TENM1: variants seen among roughly 807,000 people sequenced by gnomAD.
TENM1 encodes the protein teneurin transmembrane protein 1, also known as teneurin-1.
Under a neutral mutation model 174.8 loss-of-function variants are expected in TENM1, and 35 were observed. The observed-to-expected ratio is 0.20, with a 90% CI of 0.15 to 0.27. The LOEUF is 0.27. Among genes scored for constraint, TENM1 ranks in the 10% least tolerant of loss-of-function variants. The probability of loss-of-function intolerance (pLI) is 1.00; values close to 1 mark genes in which losing one functional copy is unlikely to be tolerated. For synonymous variants in TENM1, 781 were observed against 798.7 expected, an observed-to-expected ratio of 0.98 and a Z score of 0.37; for missense variants, 1,633 against 2,130.1, an observed-to-expected ratio of 0.77 and a Z score of 4.59.
At chrX:125,170,158 G>A in the TENM1 span, among the ~76,000 whole-genome samples, 2 of 111,389 alleles carry the variant, frequency 1.8e-5, no homozygotes, top group East Asian at 5.7e-4. Context: ...CTATCCCACT[G>A]AGCCTTAAGA....
At chrX:124,807,878 T>TAAACACAC (rs1284567007) in intron 3 of TENM1, among the ~76,000 whole-genome samples, 74 of 85,177 alleles carry the variant, frequency 8.7e-4, no homozygotes, top group African/African-American at 3.0e-3. Context: ...GAAAATCACT[T>TAAACACAC]ACACACACAC....
the TENM1 span, among the ~76,000 whole-genome samples, chrX:125,054,549 A>G: frequency 2.7e-5 from 3 of 111,245 alleles, no homozygotes; most frequent in Non-Finnish European, 5.6e-5. Flanking sequence ...AAACCTGTCT[A>G]TAAATAGCCA....
At chrX:124,818,463 G>C (rs1003318183) in intron 3 of TENM1, among the ~76,000 whole-genome samples, 1 of 111,832 alleles carries the variant, frequency 8.9e-6, no homozygotes, top group African/African-American at 3.2e-5. Context: ...CATTATCATT[G>C]TCATCATAAT....
At chrX:125,112,636 T>C in the TENM1 span, among the ~76,000 whole-genome samples, 1 of 111,580 alleles carries the variant, frequency 9.0e-6, no homozygotes, top group East Asian at 2.8e-4. Context: ...GGCTTGTTGG[T>C]GTCAATCACA....
At chrX:124,597,251 T>C (rs1285824244) in intron 11 of TENM1, among the ~76,000 whole-genome samples, 4 of 111,498 alleles carry the variant, frequency 3.6e-5, no homozygotes, top group East Asian at 5.6e-4. Flanking sequence ...CAATGTGCAA[T>C]TGCAAAAATA....
chrX:125,143,984 A>C, the TENM1 span, among the ~76,000 whole-genome samples: 1 of 112,246 alleles, frequency 8.9e-6, no homozygotes, highest in Non-Finnish European at 1.9e-5. Flanking sequence ...ATTCAAAATA[A>C]AATGGTTTTG....
exon 22 of TENM1, chrX:124,481,898 G>A (rs2046854223): frequency 8.3e-7 from 1 of 1,206,799 alleles, no homozygotes; most frequent in Non-Finnish European, 1.1e-6. Context: ...GAGTATTGGT[G>A]TCTGATAGAT....
the TENM1 span, among the ~76,000 whole-genome samples, chrX:124,974,143 A>G: frequency 8.9e-6 from 1 of 111,933 alleles, no homozygotes; most frequent in Admixed American, 9.5e-5. Context: ...TAAGAGAGCA[A>G]GAAGGCATCA....
chrX:124,998,090 GAAA>G, the TENM1 span, among the ~76,000 whole-genome samples: 4 of 48,705 alleles, frequency 8.2e-5, no homozygotes, highest in Admixed American at 2.8e-4. Flanking sequence ...TCATTTTAGA[GAAA>G]AAAAAAAAAA....
the TENM1 span, among the ~76,000 whole-genome samples, chrX:125,045,365 C>G: frequency 6.3e-5 from 7 of 111,243 alleles, no homozygotes; most frequent in African/African-American, 9.8e-5. Context: ...ATGGTTAGTT[C>G]TTCTTCCTGA....
intron 27 of TENM1, among the ~76,000 whole-genome samples, chrX:124,401,753 G>A (rs1603251858): frequency 1.8e-5 from 2 of 111,558 alleles, no homozygotes; most frequent in Admixed American, 1.9e-4. Flanking sequence ...CCAAATCTGG[G>A]GAAATTGAGG....
chrX:124,501,415 G>C (rs915289127), intron 19 of TENM1, among the ~76,000 whole-genome samples: 1 of 111,864 alleles, frequency 8.9e-6, no homozygotes, highest in Admixed American at 9.5e-5. Flanking sequence ...CAAATGGTCT[G>C]AAAACACTGC....
At position 124,825,158 on chromosome X, in the gene TENM1, CT is replaced by C. The variant is rs745471230; in HGVS notation, c.535+69137del. On this transcript the variant is annotated intron_variant, in intron 3 of 31. Coordinates refer to ENST00000422452, the Ensembl canonical transcript of TENM1. ...TCTTTTTCATACATAAGCTGACTTT[CT>C]TTTTTTTTTTTTTTTTTTTTTTTGA... Among the ~76,000 whole-genome samples the C allele has an allele frequency of 9.3e-3, 565 of 60,973 alleles. 1 individual carries two copies. Among genetic ancestry groups the C allele is most frequent in the African/African-American group, 0.029 (451 of 15,786 alleles). The allele number at this position is 60,973 out of a possible 115,157, so 52.9% of individuals were successfully genotyped here. A position where few individuals can be genotyped will look rare whatever the true frequency, so the allele number is the denominator to read the frequency against.
At chrX:124,981,595 C>T in the TENM1 span, among the ~76,000 whole-genome samples, 5 of 111,564 alleles carry the variant, frequency 4.5e-5, no homozygotes, top group African/African-American at 1.6e-4. Context: ...AATGCACAAC[C>T]TCCTAGCCCT....
At chrX:125,192,973 TCA>T in the TENM1 span, among the ~76,000 whole-genome samples, 1 of 111,426 alleles carries the variant, frequency 9.0e-6, no homozygotes, top group South Asian at 3.7e-4. Flanking sequence ...GAGGTTTTTT[TCA>T]GTTATTTTTT....
At chrX:125,018,063 T>C in the TENM1 span, among the ~76,000 whole-genome samples, 1 of 111,925 alleles carries the variant, frequency 8.9e-6, no homozygotes, top group Non-Finnish European at 1.9e-5. Flanking sequence ...CAGTATTAGT[T>C]AACTTTAAAA....
intron 1 of TENM1, among the ~76,000 whole-genome samples, chrX:124,939,024 T>C (rs921251780): frequency 1.9e-4 from 21 of 111,473 alleles, no homozygotes; most frequent in African/African-American, 6.2e-4. Flanking sequence ...GGCGGGGAGA[T>C]AGAGTATTTT....
At chrX:124,608,960 C>A (rs1641389037) in intron 11 of TENM1, among the ~76,000 whole-genome samples, 1 of 110,950 alleles carries the variant, frequency 9.0e-6, no homozygotes, top group Admixed American at 9.5e-5. Flanking sequence ...CTAATCAATA[C>A]AATCTTATGA....
At chrX:124,915,811 T>G (rs2057913803) in intron 1 of TENM1, among the ~76,000 whole-genome samples, 1 of 111,720 alleles carries the variant, frequency 9.0e-6, no homozygotes, top group African/African-American at 3.3e-5. Flanking sequence ...TTCATACAGA[T>G]GGAAAAAAGG....
Sources: allele counts gnomAD v4.1 joint callset (sites outside exome capture counted in the v4.1 genomes callset), GRCh38; gene constraint gnomAD v4.1.1; transcripts MANE v1.5; gene names NCBI Gene and HGNC (gene_info 2026-07-23, HGNC 2026-07-21).